RYR3: variants seen among roughly 807,000 people sequenced by gnomAD.
RYR3 encodes ryanodine receptor 3, also known as brain ryanodine receptor-calcium release channel.
RYR3 carries 207 observed loss-of-function variants against 584.3 expected under a neutral mutation model. That is an observed-to-expected ratio of 0.35 (90% CI 0.32 to 0.40). RYR3 has a LOEUF of 0.40. RYR3 is among the 10% of genes least tolerant of loss of function. The probability of loss-of-function intolerance (pLI) is 1.00; values close to 1 mark genes in which losing one functional copy is unlikely to be tolerated. For synonymous variants in RYR3, 2,416 were observed against 2,248.5 expected, an observed-to-expected ratio of 1.07 and a Z score of -2.11; for missense variants, 5,616 against 6,089.2, an observed-to-expected ratio of 0.92 and a Z score of 2.59.
intron 1 of RYR3, among the ~76,000 whole-genome samples, chr15:33,399,874 T>A (rs1237719556): frequency 1.3e-5 from 2 of 152,076 alleles, no homozygotes; most frequent in African/African-American, 4.8e-5. Context: ...TCCTAAGTCT[T>A]CCTTTTTAAT....
At chr15:33,786,278 G>A (rs569454873) in intron 66 of RYR3, among the ~76,000 whole-genome samples, 3 of 152,144 alleles carry the variant, frequency 2.0e-5, no homozygotes, top group African/African-American at 7.2e-5. Context: ...TTTGATTTTG[G>A]TACTCAAGAA....
At position 33,841,979 on chromosome 15, in the gene RYR3, G is replaced by C. The variant is rs770201518; in HGVS notation, c.13153G>C (p.Glu4385Gln). 1.2e-6 allele frequency: 2 copies of C among 1,603,708 alleles called. No homozygotes were observed. Among genetic ancestry groups the C allele is most frequent in the African/African-American group, 2.7e-5 (2 of 74,776 alleles). The change falls in exon 91 of 104, where the codon GAA (glutamate) becomes CAA (glutamine). Residue 4385 changes from glutamate (E) to glutamine (Q), a missense_variant. By Grantham distance (29) the Glu-to-Gln change is conservative. Transcript: ENST00000634891. ...GTGTGGTCAGAAGGTTGAGAAGCCG[G>C]AAGCTTTCACAGCCAATTTCTTTAA... ...RRCGQKVEKPEAFTANFFKGL... is the reference protein window; with the variant it reads ...RRCGQKVEKPQAFTANFFKGL...
At chr15:33,433,552 C>T (rs1006818777) in intron 1 of RYR3, among the ~76,000 whole-genome samples, 1 of 151,946 alleles carries the variant, frequency 6.6e-6, no homozygotes, top group Non-Finnish European at 1.5e-5. Context: ...TAAATGCAGT[C>T]GTAGGAGTAT....
intron 38 of RYR3, among the ~76,000 whole-genome samples, chr15:33,681,416 T>C (rs1448094804): frequency 6.6e-6 from 1 of 152,228 alleles, no homozygotes; most frequent in Non-Finnish European, 1.5e-5. Flanking sequence ...GGGGAGAATA[T>C]ACATTTCATG....
chr15:33,622,498 A>T (rs569574151), intron 19 of RYR3, among the ~76,000 whole-genome samples: 1 of 152,240 alleles, frequency 6.6e-6, no homozygotes, highest in South Asian at 2.1e-4. Context: ...TTAAAACCCC[A>T]TCAGATGTCT....
chr15:33,729,752 A>G (rs188370087), intron 47 of RYR3, among the ~76,000 whole-genome samples: 3 of 152,266 alleles, frequency 2.0e-5, no homozygotes. Context: ...AGGAGAAAAG[A>G]CAAACTAGAT....
chr15:33,862,276 G>C (rs1216961962), intron 102 of RYR3, among the ~76,000 whole-genome samples: 1 of 152,162 alleles, frequency 6.6e-6, no homozygotes, highest in Non-Finnish European at 1.5e-5. Context: ...GCAGTGGTAT[G>C]ATCTTGGCTC....
intron 86 of RYR3, among the ~76,000 whole-genome samples, chr15:33,832,888 A>T (rs2077778786): frequency 6.6e-6 from 1 of 151,700 alleles, no homozygotes; most frequent in African/African-American, 2.4e-5. Context: ...GGTGCCTGTA[A>T]TCCCAGCTAC....
chr15:33,653,431 G>T (rs934942263), intron 32 of RYR3, among the ~76,000 whole-genome samples: 2 of 152,080 alleles, frequency 1.3e-5, no homozygotes, highest in Non-Finnish European at 2.9e-5. Flanking sequence ...CAGCACTTTG[G>T]GAGGCCGAGG....
At chr15:33,609,487 C>T (rs995002778) in intron 18 of RYR3, among the ~76,000 whole-genome samples, 3 of 152,194 alleles carry the variant, frequency 2.0e-5, no homozygotes, top group African/African-American at 4.8e-5. Flanking sequence ...GAAATCCTAT[C>T]TCTACTGAAA....
chr15:33,663,278 G>C (rs1202213560), intron 35 of RYR3, among the ~76,000 whole-genome samples: 1 of 152,086 alleles, frequency 6.6e-6, no homozygotes, highest in African/African-American at 2.4e-5. Flanking sequence ...ATCTGGAGCT[G>C]GTTTTTCTAC....
intron 10 of RYR3, among the ~76,000 whole-genome samples, chr15:33,557,425 G>A (rs2057138817): frequency 6.6e-6 from 1 of 152,054 alleles, no homozygotes; most frequent in African/African-American, 2.4e-5. Context: ...TCGCTCAATT[G>A]CCAGGCTGGA....
intron 1 of RYR3, among the ~76,000 whole-genome samples, chr15:33,363,777 G>C (rs967474905): frequency 6.6e-6 from 1 of 152,300 alleles, no homozygotes; most frequent in African/African-American, 2.4e-5. Context: ...AGATTGTGCT[G>C]TTCAGTGTGA....
At chr15:33,838,983 C>G in intron 89 of RYR3, 25 bp downstream of exon 89, 1 of 1,584,026 alleles carries the variant, frequency 6.3e-7, no homozygotes, top group Non-Finnish European at 8.6e-7. Context: ...TTTCTTTCAT[C>G]TTCCTTTATC....
intron 16 of RYR3, among the ~76,000 whole-genome samples, chr15:33,595,831 A>AG (rs1448295318): frequency 6.6e-6 from 1 of 152,116 alleles, no homozygotes; most frequent in African/African-American, 2.4e-5. Context: ...TTAAAAAAAA[A>AG]TTTATCTCAG....
At chr15:33,714,494 C>T (rs1257610021) in intron 43 of RYR3, among the ~76,000 whole-genome samples, 4 of 152,110 alleles carry the variant, frequency 2.6e-5, no homozygotes, top group African/African-American at 4.8e-5. Context: ...CTTCTATTTT[C>T]CCCGCAGTTG....
chr15:33,847,462 C>T (rs978233681), intron 93 of RYR3: 1 of 152,192 alleles, frequency 6.6e-6, no homozygotes, highest in Admixed American at 6.5e-5. Context: ...CTGAATTAAG[C>T]TTTTCTGGCT....
At chr15:33,393,504 G>T (rs2042125292) in intron 1 of RYR3, among the ~76,000 whole-genome samples, 1 of 152,132 alleles carries the variant, frequency 6.6e-6, no homozygotes, top group Admixed American at 6.5e-5. Context: ...TAAAAAATAG[G>T]GGGAGGAAAT....
intron 64 of RYR3, among the ~76,000 whole-genome samples, chr15:33,774,152 G>T (rs1339516234): frequency 6.6e-6 from 1 of 152,122 alleles, no homozygotes; most frequent in African/African-American, 2.4e-5. Flanking sequence ...GAAGCGTGTG[G>T]GTTCCAGTTT....
Sources: allele counts gnomAD v4.1 joint callset (sites outside exome capture counted in the v4.1 genomes callset), GRCh38; gene constraint gnomAD v4.1.1; transcripts MANE v1.5; gene names NCBI Gene and HGNC (gene_info 2026-07-23, HGNC 2026-07-21).